Variants in COL6A6 observed in about 807,000 individuals in gnomAD.
The protein encoded by COL6A6 is collagen type VI alpha 6 chain.
A neutral mutation model predicts 208.6 loss-of-function variants in COL6A6; 183 were observed. The ratio of observed to expected loss-of-function variants is 0.88; its 90% confidence interval spans 0.78 to 0.99. The LOEUF (loss-of-function observed/expected upper bound fraction) is 0.99, where lower values mean the gene tolerates loss of function less well. Among genes scored for constraint, COL6A6 ranks in the 50% least tolerant of loss-of-function variants. The probability of loss-of-function intolerance (pLI) is 0.00; values close to 1 mark genes in which losing one functional copy is unlikely to be tolerated. For missense variants in COL6A6, 2,816 were observed against 2,815.2 expected, an observed-to-expected ratio of 1.00 and a Z score of -0.01; for synonymous variants, 973 against 1,011.8, an observed-to-expected ratio of 0.96 and a Z score of 0.73.
At chr3:130,654,245 G>A (rs2065726621) in intron 33 of COL6A6, among the ~76,000 whole-genome samples, 1 of 152,172 alleles carries the variant, frequency 6.6e-6, no homozygotes, top group Admixed American at 6.5e-5. Flanking sequence ...ATCTTTAAAT[G>A]GTTGCAATAG....
intron 28 of COL6A6, among the ~76,000 whole-genome samples, chr3:130,639,246 A>T (rs2065240914): frequency 8.3e-6 from 1 of 120,048 alleles, no homozygotes; most frequent in Admixed American, 9.3e-5. Flanking sequence ...TTCATGATTA[A>T]AATATCTTAC....
At chr3:130,667,536 G>T (rs1018441224) in intron 36 of COL6A6, among the ~76,000 whole-genome samples, 4 of 152,170 alleles carry the variant, frequency 2.6e-5, no homozygotes, top group African/African-American at 9.7e-5. Context: ...ACCGAACCTG[G>T]CCTAAACAAA....
intron 18 of COL6A6, among the ~76,000 whole-genome samples, chr3:130,596,281 A>G (rs765900236): frequency 7.2e-5 from 11 of 152,240 alleles, no homozygotes; most frequent in Admixed American, 1.3e-4. Flanking sequence ...TTCAAATACA[A>G]AGACGTTTCA....
intron 36 of COL6A6, among the ~76,000 whole-genome samples, chr3:130,672,046 G>T (rs982005320): frequency 2.0e-5 from 3 of 152,214 alleles, no homozygotes; most frequent in African/African-American, 4.8e-5. Flanking sequence ...TCCAAAGTAC[G>T]TTTTCTGGGC....
At chr3:130,557,504 G>A (rs115192016) in intron 1 of COL6A6, among the ~76,000 whole-genome samples, 8 of 152,178 alleles carry the variant, frequency 5.3e-5, no homozygotes, top group African/African-American at 1.9e-4. Context: ...AAGACATCAG[G>A]GGTTAAATAA....
intron 12 of COL6A6, chr3:130,589,874 A>G (rs2063632309): frequency 6.7e-6 from 2 of 297,104 alleles, no homozygotes; most frequent in East Asian, 8.6e-5. Context: ...TTTATTTTTG[A>G]ATAATTTATA....
At chr3:130,657,523 A>C (rs1271712458) in intron 33 of COL6A6, among the ~76,000 whole-genome samples, 1 of 152,186 alleles carries the variant, frequency 6.6e-6, no homozygotes, top group Non-Finnish European at 1.5e-5. Context: ...GCCACTTGTG[A>C]CTAACTGAAG....
Position 130,642,873 on chromosome 3 carries a change from T to C in COL6A6, c.5190+6T>C. The C allele has an allele frequency of 6.2e-7, 1 of 1,613,916 alleles. No homozygotes were observed. The highest frequency in any genetic ancestry group is 2.2e-5 in the East Asian group (1 of 44,882). ...AAGGCTTGGCTTCATTTTCTGTACG[T>C]ATCTCCCGACTACAACAGAGTGCTC... On this transcript the variant is annotated splice_donor_region_variant and intron_variant, in intron 30 of 36. Coordinates refer to ENST00000358511, the MANE Select transcript of COL6A6 (RefSeq NM_001102608.3).
intron 32 of COL6A6, chr3:130,646,379 C>G (rs1004030098): frequency 6.6e-6 from 1 of 152,214 alleles, no homozygotes; most frequent in African/African-American, 2.4e-5. Context: ...TTGAGACCAG[C>G]CTGGCCAACA....
chr3:130,621,330 T>C (rs1483399258), intron 23 of COL6A6, among the ~76,000 whole-genome samples: 2 of 152,346 alleles, frequency 1.3e-5, no homozygotes, highest in Non-Finnish European at 2.9e-5. Context: ...ATTTATCTTA[T>C]GCTACCTAAA....
intron 20 of COL6A6, among the ~76,000 whole-genome samples, chr3:130,600,546 T>A (rs1324862109): frequency 6.6e-6 from 1 of 152,106 alleles, no homozygotes; most frequent in Non-Finnish European, 1.5e-5. Flanking sequence ...TAAAAAGGCA[T>A]GAGATCATGT....
intron 1 of COL6A6, among the ~76,000 whole-genome samples, chr3:130,544,564 T>C (rs1358963441): frequency 6.6e-6 from 1 of 152,228 alleles, no homozygotes; most frequent in East Asian, 1.9e-4. Context: ...GATGCAGGGA[T>C]TGCAGGGTCA....
At chr3:130,643,736 T>C (rs2065384285) in intron 31 of COL6A6, among the ~76,000 whole-genome samples, 1 of 152,186 alleles carries the variant, frequency 6.6e-6, no homozygotes, top group Non-Finnish European at 1.5e-5. Flanking sequence ...ATAATGACTT[T>C]CCAAATAACA....
chr3:130,551,457 G>A (rs1371891879), intron 1 of COL6A6, among the ~76,000 whole-genome samples: 1 of 152,100 alleles, frequency 6.6e-6, no homozygotes, highest in African/African-American at 2.4e-5. Context: ...TGTTCATAGA[G>A]CTGTTCATAG....
At chr3:130,604,610 G>A (rs1427657369) in intron 20 of COL6A6, among the ~76,000 whole-genome samples, 1 of 152,104 alleles carries the variant, frequency 6.6e-6, no homozygotes, top group Non-Finnish European at 1.5e-5. Flanking sequence ...TCATCCATTA[G>A]GCTTATAAAC....
intron 1 of COL6A6, among the ~76,000 whole-genome samples, chr3:130,539,430 T>C (rs1281472340): frequency 6.6e-6 from 1 of 152,130 alleles, no homozygotes; most frequent in African/African-American, 2.4e-5. Context: ...GGTCAGGAGT[T>C]TCAGACCAGC....
At chr3:130,517,077 T>G (rs1317888186), upstream of COL6A6, among the ~76,000 whole-genome samples, 2 of 152,042 alleles carry the variant, frequency 1.3e-5, no homozygotes, top group Non-Finnish European at 2.9e-5. Flanking sequence ...TGCGCCCCCC[T>G]CCTGGGGGAC....
At chr3:130,665,759 G>A (rs543665526) in intron 36 of COL6A6, among the ~76,000 whole-genome samples, 2 of 152,286 alleles carry the variant, frequency 1.3e-5, no homozygotes, top group Non-Finnish European at 2.9e-5. Context: ...CCAGTTTGTG[G>A]TTCACAATGT....
chr3:130,655,693 A>G (rs2065768477), intron 33 of COL6A6, among the ~76,000 whole-genome samples: 1 of 152,210 alleles, frequency 6.6e-6, no homozygotes, highest in South Asian at 2.1e-4. Context: ...GGCAAGTTAA[A>G]TTTTGCAGAG....
Sources: allele counts gnomAD v4.1 joint callset (sites outside exome capture counted in the v4.1 genomes callset), GRCh38; gene constraint gnomAD v4.1.1; transcripts MANE v1.5; gene names NCBI Gene and HGNC (gene_info 2026-07-23, HGNC 2026-07-21).